The following NRG3 variants were observed in gnomAD, a reference collection of about 807,000 sequenced individuals.
The protein encoded by NRG3 is neuregulin 3.
In NRG3, 31 loss-of-function variants were observed where a neutral mutation model predicts 66.9. The observed-to-expected ratio is 0.46, with a 90% confidence interval of 0.35 to 0.63. NRG3 has a LOEUF of 0.63. Among genes scored for constraint, NRG3 ranks in the 20% least tolerant of loss-of-function variants. The pLI is 0.00. For missense variants in NRG3, 910 were observed against 878.9 expected, an observed-to-expected ratio of 1.04 and a Z score of -0.45; for synonymous variants, 393 against 359.4, an observed-to-expected ratio of 1.09 and a Z score of -1.06.
intron 1 of NRG3, among the ~76,000 whole-genome samples, chr10:81,986,400 A>C (rs2060520333): frequency 6.6e-6 from 1 of 152,176 alleles, no homozygotes; most frequent in African/African-American, 2.4e-5. Flanking sequence ...CATTGAGAAA[A>C]ATATTGACAA....
At chr10:81,936,580 G>A (rs938657328) in intron 1 of NRG3, among the ~76,000 whole-genome samples, 2 of 152,136 alleles carry the variant, frequency 1.3e-5, no homozygotes, top group Non-Finnish European at 2.9e-5. Flanking sequence ...TGGCTCACAA[G>A]AGAACATGTG....
chr10:82,788,844 A>G (rs1048176087), intron 3 of NRG3, among the ~76,000 whole-genome samples: 7 of 152,066 alleles, frequency 4.6e-5, no homozygotes, highest in African/African-American at 1.4e-4. Context: ...ACTTAGGGTA[A>G]CGTATTAAAT....
intron 1 of NRG3, among the ~76,000 whole-genome samples, chr10:82,120,305 C>T (rs552437546): frequency 3.3e-5 from 5 of 152,098 alleles, no homozygotes; most frequent in East Asian, 3.9e-4. Flanking sequence ...ACAGGAGACC[C>T]GTGGAAATGG....
intron 2 of NRG3, among the ~76,000 whole-genome samples, chr10:82,590,213 T>A (rs1163450238): frequency 2.0e-5 from 3 of 152,194 alleles, no homozygotes; most frequent in Non-Finnish European, 4.4e-5. Context: ...TTTTATTTAA[T>A]TTTTAGCTCT....
At chr10:82,773,347 G>A (rs780364377) in intron 3 of NRG3, among the ~76,000 whole-genome samples, 1 of 152,108 alleles carries the variant, frequency 6.6e-6, no homozygotes, top group Non-Finnish European at 1.5e-5. Context: ...AAATGAAAAT[G>A]AGGCCAAAAT....
In NRG3 at chr10:82,521,799, C is replaced by A. The variant is rs796664788; in HGVS notation, c.953+162931C>A. ...GGGTCAATCCTCTCAAACCCAGCAG[C>A]TGCTTTATCAACTAAGTTTATGGAA... On this transcript the variant is annotated intron_variant, in intron 2 of 8. Coordinates refer to ENST00000372141, the MANE Select transcript of NRG3 (RefSeq NM_001010848.4). Among the ~76,000 whole-genome samples, 128 of 152,272 alleles carry A rather than the reference C, an allele frequency of 8.4e-4. 1 individual carries two copies. The highest frequency in any genetic ancestry group is 3.0e-3 in the African/African-American group (126 of 41,570).
chr10:82,910,778 A>G (rs997035392), intron 4 of NRG3, among the ~76,000 whole-genome samples: 6 of 152,244 alleles, frequency 3.9e-5, no homozygotes, highest in Non-Finnish European at 7.3e-5. Context: ...ATATAAAAAC[A>G]CTTTATTGAG....
At chr10:82,715,082 C>T (rs2056894632) in intron 2 of NRG3, among the ~76,000 whole-genome samples, 1 of 151,966 alleles carries the variant, frequency 6.6e-6, no homozygotes, top group African/African-American at 2.4e-5. Context: ...TAGTCAATCT[C>T]AAGAAAAAAA....
At chr10:82,600,938 A>C (rs1159606857) in intron 2 of NRG3, among the ~76,000 whole-genome samples, 1 of 152,068 alleles carries the variant, frequency 6.6e-6, no homozygotes, top group Admixed American at 6.6e-5. Context: ...CCGTTACCCC[A>C]CATCTGCCTC....
intron 1 of NRG3, among the ~76,000 whole-genome samples, chr10:82,350,668 CAT>C (rs2135505908): frequency 6.6e-6 from 1 of 152,302 alleles, no homozygotes; most frequent in African/African-American, 2.4e-5. Context: ...CATTTAAATT[CAT>C]AGAGTCTAAA....
chr10:81,970,902 G>T (rs539590202), intron 1 of NRG3, among the ~76,000 whole-genome samples: 1 of 152,332 alleles, frequency 6.6e-6, no homozygotes, highest in East Asian at 1.9e-4. Flanking sequence ...CACTTTGGGA[G>T]GTCAAGGCGG....
At chr10:82,361,193 A>G (rs2084117078) in intron 2 of NRG3, among the ~76,000 whole-genome samples, 1 of 152,176 alleles carries the variant, frequency 6.6e-6, no homozygotes, top group Admixed American at 6.5e-5. Flanking sequence ...GCAGATATAT[A>G]CCTATAGTTT....
chr10:82,131,386 T>C (rs903900720), intron 1 of NRG3, among the ~76,000 whole-genome samples: 5 of 152,160 alleles, frequency 3.3e-5, no homozygotes, highest in Non-Finnish European at 7.3e-5. Flanking sequence ...TCTATTCTGT[T>C]CCATTAGTCT....
intron 1 of NRG3, among the ~76,000 whole-genome samples, chr10:82,154,311 C>T (rs540066225): frequency 6.6e-6 from 1 of 152,078 alleles, no homozygotes; most frequent in African/African-American, 2.4e-5. Flanking sequence ...TTTGTCAGCA[C>T]CATTTATTGA....
intron 1 of NRG3, among the ~76,000 whole-genome samples, chr10:82,223,555 T>G (rs1564680889): frequency 6.6e-6 from 1 of 151,600 alleles, no homozygotes. Flanking sequence ...ATGGAAAAAA[T>G]TGATTTCCTC....
At chr10:82,544,912 A>G (rs891432346) in intron 2 of NRG3, among the ~76,000 whole-genome samples, 1 of 152,220 alleles carries the variant, frequency 6.6e-6, no homozygotes, top group Non-Finnish European at 1.5e-5. Flanking sequence ...CGTACCTACC[A>G]GCTTCCATTT....
chr10:82,405,267 C>G (rs1383348504), intron 2 of NRG3, among the ~76,000 whole-genome samples: 3 of 152,036 alleles, frequency 2.0e-5, no homozygotes, highest in Non-Finnish European at 4.4e-5. Flanking sequence ...GCAAGCGCAT[C>G]TAAGGGAGAG....
intron 1 of NRG3, among the ~76,000 whole-genome samples, chr10:82,007,776 G>A (rs2061428500): frequency 6.6e-6 from 1 of 151,890 alleles, no homozygotes; most frequent in Non-Finnish European, 1.5e-5. Flanking sequence ...AACCTCATGG[G>A]CCTATTTATG....
rs1331770111 is a variant in NRG3, at chr10:81,875,430, G to A, written c.90G>A (p.Ala30=). The stretch of plus-strand genomic sequence containing the variant: ...AGGAGGGCACCGCGGCGGCTGCGGC[G>A]GCGGCAGCGGCGGGCGGGGGCCCGG... ...SAEEGTAAAA[A]AAAAGGGPDG... Residue 30 remains alanine, a synonymous_variant, in exon 1 of 9, where the codon GCG becomes GCA. Coordinates refer to ENST00000372141, the MANE Select transcript of NRG3 (RefSeq NM_001010848.4). The surrounding 1 kb of genome is among the most constrained non-coding windows in gnomAD (Gnocchi z 5.3). 28 of 1,126,752 alleles carry A rather than the reference G, an allele frequency of 2.5e-5. No homozygotes were observed. Among genetic ancestry groups the A allele is most frequent in the Admixed American group, 1.5e-4 (3 of 19,984 alleles). The allele number at this position is 1,126,752 out of a possible 1,614,324, so 69.8% of individuals were successfully genotyped here.
Sources: allele counts gnomAD v4.1 joint callset (sites outside exome capture counted in the v4.1 genomes callset), GRCh38; gene constraint gnomAD v4.1.1; non-coding constraint Gnocchi (gnomAD v3.1); transcripts MANE v1.5; gene names NCBI Gene and HGNC (gene_info 2026-07-23, HGNC 2026-07-21).